The following FNDC3B variants were observed in gnomAD, a reference collection of about 807,000 sequenced individuals.
FNDC3B encodes fibronectin type III domain-containing protein 3B.
FNDC3B carries 12 observed loss-of-function variants against 151.5 expected under a neutral mutation model. The ratio of observed to expected loss-of-function variants is 0.08; its 90% CI spans 0.05 to 0.13. FNDC3B has a LOEUF of 0.13. FNDC3B is among the 10% of genes least tolerant of loss of function. FNDC3B has a pLI of 1.00. For missense variants in FNDC3B, 1,214 were observed against 1,505.3 expected (o/e 0.81, Z 3.20); for synonymous variants, 528 against 549.0 (o/e 0.96, Z 0.54).
rs144300238 is a variant in FNDC3B, at chr3:172,261,833, A to G, written c.790+10292A>G. The stretch of plus-strand genomic sequence containing the variant: ...TTTTTCTCTGAATTTGCTTTTTAAA[A>G]AACTCTTCCCCTTGCCATTCCCTTC... On this transcript the variant is annotated intron_variant, in intron 6 of 25. Coordinates refer to ENST00000415807, the MANE Select transcript of FNDC3B (RefSeq NM_022763.4). Among the ~76,000 whole-genome samples the G allele has an allele frequency of 3.0e-3, 461 of 152,340 alleles. 4 individuals are homozygous for G. The highest frequency in any genetic ancestry group is 0.011 in the African/African-American group (446 of 41,572).
chr3:172,346,719 G>A (rs1325639789), intron 20 of FNDC3B, among the ~76,000 whole-genome samples: 1 of 150,610 alleles, frequency 6.6e-6, no homozygotes, highest in South Asian at 2.1e-4. Flanking sequence ...TTATTTTTTT[G>A]TGTGACAGAG....
chr3:172,386,987 C>G (rs1735749936), intron 25 of FNDC3B, among the ~76,000 whole-genome samples: 1 of 151,988 alleles, frequency 6.6e-6, no homozygotes, highest in Non-Finnish European at 1.5e-5. Context: ...GATGGAGTCT[C>G]GCTCTGTCGC....
At chr3:172,303,644 A>G (rs182952131) in intron 9 of FNDC3B, among the ~76,000 whole-genome samples, 8 of 152,272 alleles carry the variant, frequency 5.3e-5, no homozygotes, top group Admixed American at 5.2e-4. Flanking sequence ...TTGCTGACTT[A>G]TTTAACCCAA....
At chr3:172,266,733 G>A (rs1000094817) in intron 6 of FNDC3B, among the ~76,000 whole-genome samples, 1 of 152,158 alleles carries the variant, frequency 6.6e-6, no homozygotes, top group Non-Finnish European at 1.5e-5. Context: ...CTTCCCCTCT[G>A]TTTGTGTTAA....
intron 3 of FNDC3B, among the ~76,000 whole-genome samples, chr3:172,155,175 T>C (rs1462485658): frequency 6.6e-6 from 1 of 152,218 alleles, no homozygotes; most frequent in Non-Finnish European, 1.5e-5. Flanking sequence ...GCCAAAGTCA[T>C]AGGGAGAATG....
intron 3 of FNDC3B, among the ~76,000 whole-genome samples, chr3:172,201,095 A>G (rs1725126715): frequency 6.6e-6 from 1 of 152,198 alleles, no homozygotes. Flanking sequence ...TTTTATGCTT[A>G]CTATCTTATT....
At chr3:172,378,717 T>G (rs949410812) in intron 24 of FNDC3B, among the ~76,000 whole-genome samples, 1 of 152,084 alleles carries the variant, frequency 6.6e-6, no homozygotes, top group Non-Finnish European at 1.5e-5. Flanking sequence ...TTAAGACAGT[T>G]TACCAAGGAA....
intron 25 of FNDC3B, among the ~76,000 whole-genome samples, chr3:172,395,834 G>A (rs905798153): frequency 1.3e-4 from 20 of 152,310 alleles, no homozygotes; most frequent in African/African-American, 4.6e-4. Context: ...GAAAAGATGC[G>A]CAGCATCTTT....
In FNDC3B at chr3:172,251,414, A is replaced by G. The variant is rs374930556; in HGVS notation, c.663A>G (p.Val221=). 7 of 1,614,132 alleles carry G rather than the reference A, an allele frequency of 4.3e-6. No homozygotes were observed. Among genetic ancestry groups the G allele is most frequent in the Non-Finnish European group, 4.2e-6 (5 of 1,180,004 alleles). ...SSIYKSSCTT[V]YNGYGKGHSG... ...TCTACAAAAGCAGCTGCACAACAGT[A>G]TACAATGGCTATGGGAAGGGCCATA... Residue 221 remains valine, a synonymous_variant, in exon 6 of 26, where the codon GTA becomes GTG. Transcript: ENST00000415807.
At chr3:172,249,535 T>A (rs746799143) in intron 5 of FNDC3B, among the ~76,000 whole-genome samples, 16 of 152,202 alleles carry the variant, frequency 1.1e-4, no homozygotes, top group Non-Finnish European at 2.4e-4. Context: ...CCTTAGTTCT[T>A]AGTGTGCATA....
intron 3 of FNDC3B, among the ~76,000 whole-genome samples, chr3:172,162,764 A>G (rs1241782111): frequency 6.6e-6 from 1 of 151,954 alleles, no homozygotes; most frequent in Non-Finnish European, 1.5e-5. Context: ...TACTTAAGGA[A>G]GTAGGGTATG....
intron 9 of FNDC3B, among the ~76,000 whole-genome samples, chr3:172,299,434 C>A (rs1010235000): frequency 1.3e-5 from 2 of 152,166 alleles, no homozygotes; most frequent in African/African-American, 4.8e-5. Flanking sequence ...AAAGTGTTAT[C>A]TGAATTTTTT....
At chr3:172,325,459 G>A (rs1000276080) in intron 11 of FNDC3B, among the ~76,000 whole-genome samples, 25 of 152,154 alleles carry the variant, frequency 1.6e-4, no homozygotes, top group African/African-American at 6.0e-4. Context: ...TATCACTCCT[G>A]TCAGTTCGTA....
At chr3:172,225,545 T>C (rs190107565) in intron 3 of FNDC3B, 12 of 175,744 alleles carry the variant, frequency 6.8e-5, no homozygotes, top group African/African-American at 2.9e-4. Context: ...AGGACACTGC[T>C]AATGAAGGCC....
chr3:172,150,599 C>T (rs2108600956), intron 3 of FNDC3B, among the ~76,000 whole-genome samples: 1 of 151,968 alleles, frequency 6.6e-6, no homozygotes, highest in Admixed American at 6.6e-5. Context: ...TTTTTAAATG[C>T]ATCATTCTTT....
chr3:172,091,873 G>GCTGTGTGTGTGT (rs3221957), intron 1 of FNDC3B, among the ~76,000 whole-genome samples: 1 of 124,756 alleles, frequency 8.0e-6, no homozygotes, highest in Non-Finnish European at 1.6e-5. Context: ...ACTTTACTGG[G>GCTGTGTGTGTGT]GTGTGTGTGT....
At position 172,045,026 on chromosome 3, in the gene FNDC3B, C is replaced by A. The variant is rs1716293728; in HGVS notation, c.-29+5255C>A. On this transcript the variant is annotated intron_variant, in intron 1 of 25. Coordinates refer to ENST00000415807, the MANE Select transcript of FNDC3B (RefSeq NM_022763.4). ...ATAAGGAGGAAAGATCTAACTCGTA[C>A]CTTTTCAAATGGTGTCACAAGGGAT... Among the ~76,000 whole-genome samples, 3 of 152,244 alleles carry A rather than the reference C, an allele frequency of 2.0e-5. No homozygotes were observed. The South Asian group carries it at 6.2e-4, about 32-fold the overall frequency.
intron 6 of FNDC3B, among the ~76,000 whole-genome samples, chr3:172,285,046 A>G (rs1024489374): frequency 6.6e-6 from 1 of 151,576 alleles, no homozygotes; most frequent in Non-Finnish European, 1.5e-5. Context: ...TTCTCCAAGC[A>G]CTATTCTTTC....
chr3:172,079,912 C>G (rs960772300), intron 1 of FNDC3B, among the ~76,000 whole-genome samples: 2 of 151,906 alleles, frequency 1.3e-5, no homozygotes. Context: ...TATGAGGCTG[C>G]GTAACATCTC....
Sources: allele counts gnomAD v4.1 joint callset (sites outside exome capture counted in the v4.1 genomes callset), GRCh38; gene constraint gnomAD v4.1.1; transcripts MANE v1.5; gene names NCBI Gene and HGNC (gene_info 2026-07-23, HGNC 2026-07-21).